Variants in LRRC7 observed in about 807,000 individuals in gnomAD.
LRRC7 encodes the protein leucine-rich repeat-containing protein 7.
LRRC7 carries 23 observed loss-of-function variants against 175.7 expected under a neutral mutation model. That is an observed-to-expected ratio of 0.13 (90% CI 0.09 to 0.19). LRRC7 has a LOEUF of 0.19. Ranked by LOEUF, LRRC7 falls within the 10% of genes least tolerant of loss-of-function variation. The pLI is 1.00. For synonymous variants in LRRC7, 685 were observed against 680.9 expected (o/e 1.01, Z -0.09); for missense variants, 1,354 against 1,904.7 (o/e 0.71, Z 5.38).
intron 12 of LRRC7, among the ~76,000 whole-genome samples, chr1:70,012,174 G>A (rs1227648239): frequency 6.6e-6 from 1 of 151,736 alleles, no homozygotes; most frequent in Non-Finnish European, 1.5e-5. Context: ...TTAATGCTAG[G>A]AAATATCATT....
intron 22 of LRRC7, among the ~76,000 whole-genome samples, chr1:70,046,221 TC>T (rs1426441527): frequency 6.6e-6 from 1 of 152,120 alleles, no homozygotes; most frequent in African/African-American, 2.4e-5. Flanking sequence ...AAACAATGTT[TC>T]CTAACATCTA....
At chr1:69,895,868 C>A (rs1212843434) in intron 7 of LRRC7, among the ~76,000 whole-genome samples, 1 of 151,972 alleles carries the variant, frequency 6.6e-6, no homozygotes, top group Non-Finnish European at 1.5e-5. Flanking sequence ...CAGATTTGGG[C>A]GATTGCAAAT....
intron 11 of LRRC7, among the ~76,000 whole-genome samples, chr1:69,999,426 T>G (rs778781822): frequency 3.3e-5 from 5 of 152,150 alleles, no homozygotes; most frequent in Non-Finnish European, 7.4e-5. Context: ...AAAAAAATAC[T>G]TATGTTTGGT....
intron 11 of LRRC7, among the ~76,000 whole-genome samples, chr1:70,004,899 A>G (rs917422845): frequency 2.6e-5 from 4 of 152,076 alleles, no homozygotes; most frequent in African/African-American, 9.7e-5. Flanking sequence ...CCTCTCCCAC[A>G]TATTACTAAA....
chr1:69,632,325 G>A (rs530197071), intron 1 of LRRC7, among the ~76,000 whole-genome samples: 111 of 152,262 alleles, frequency 7.3e-4, no homozygotes, highest in African/African-American at 2.5e-3. Context: ...TTTGTCCTCA[G>A]CACCTAGCAC....
intron 7 of LRRC7, among the ~76,000 whole-genome samples, chr1:69,854,202 T>C (rs924445229): frequency 1.3e-5 from 2 of 152,144 alleles, no homozygotes; most frequent in Admixed American, 1.3e-4. Context: ...ACAAATAAGA[T>C]GAAACAGGAA....
At chr1:69,861,821 G>A (rs141475035) in intron 7 of LRRC7, among the ~76,000 whole-genome samples, 20 of 152,164 alleles carry the variant, frequency 1.3e-4, no homozygotes, top group African/African-American at 3.4e-4. Flanking sequence ...TGTGTGTGGC[G>A]GACCTGGAAA....
At chr1:69,742,244 C>G (rs1411876183) in intron 2 of LRRC7, among the ~76,000 whole-genome samples, 1 of 151,816 alleles carries the variant, frequency 6.6e-6, no homozygotes, top group Admixed American at 6.6e-5. Context: ...ATATGAAAAA[C>G]TAAATATCAA....
intron 2 of LRRC7, among the ~76,000 whole-genome samples, chr1:69,715,990 A>T (rs1475554456): frequency 6.6e-6 from 1 of 151,986 alleles, no homozygotes. Flanking sequence ...TGTTTGTGGA[A>T]TTATTCTTAT....
chr1:69,677,306 T>G (rs919488188), intron 1 of LRRC7, among the ~76,000 whole-genome samples: 1 of 123,042 alleles, frequency 8.1e-6, no homozygotes, highest in Non-Finnish European at 1.8e-5. Flanking sequence ...CACATTTTCT[T>G]TATCCACTTA....
intron 1 of LRRC7, among the ~76,000 whole-genome samples, chr1:69,657,342 T>A (rs181861177): frequency 1.2e-3 from 176 of 152,032 alleles, no homozygotes; most frequent in African/African-American, 4.0e-3. Flanking sequence ...GCACTATCTT[T>A]TGCATAGATG....
chr1:69,793,343 A>AT (rs1446615397), intron 4 of LRRC7, among the ~76,000 whole-genome samples: 1 of 152,148 alleles, frequency 6.6e-6, no homozygotes, highest in Non-Finnish European at 1.5e-5. Flanking sequence ...TTGGCTTGAC[A>AT]TCCTGGGAAA....
intron 16 of LRRC7, among the ~76,000 whole-genome samples, chr1:70,022,699 A>G (rs1657641468): frequency 1.3e-5 from 2 of 152,216 alleles, no homozygotes; most frequent in South Asian, 2.1e-4. Flanking sequence ...TAGAGCACAA[A>G]CGAACTTCTA....
chr1:69,925,666 TGC>T (rs1647047063), intron 7 of LRRC7, among the ~76,000 whole-genome samples: 2 of 152,194 alleles, frequency 1.3e-5, no homozygotes, highest in Non-Finnish European at 2.9e-5. Flanking sequence ...TCATTTTTAT[TGC>T]GTCTATTTGA....
chr1:69,632,820 C>T (rs1652720975), intron 1 of LRRC7, among the ~76,000 whole-genome samples: 1 of 151,740 alleles, frequency 6.6e-6, no homozygotes, highest in Admixed American at 6.6e-5. Flanking sequence ...TTTATGACTA[C>T]CATTTTGCTA....
intron 1 of LRRC7, among the ~76,000 whole-genome samples, chr1:69,641,476 AT>A: frequency 1.3e-5 from 2 of 151,756 alleles, no homozygotes; most frequent in East Asian, 3.9e-4. Context: ...TAAGAAATAA[AT>A]TAATCAGCAT....
chr1:69,718,109 A>AAG (rs1553146058), intron 2 of LRRC7, among the ~76,000 whole-genome samples: 3 of 23,782 alleles, frequency 1.3e-4, no homozygotes, highest in East Asian at 8.0e-4. Flanking sequence ...GAAAGAGAGA[A>AAG]AAAGAAAGAA....
intron 8 of LRRC7, among the ~76,000 whole-genome samples, chr1:69,973,955 A>G (rs574630872): frequency 1.3e-5 from 2 of 152,274 alleles, no homozygotes; most frequent in East Asian, 1.9e-4. Context: ...GACATCTTCT[A>G]TGTTCCCCCT....
chr1:69,922,605 G>T (rs1255689365), intron 7 of LRRC7, among the ~76,000 whole-genome samples: 3 of 152,064 alleles, frequency 2.0e-5, no homozygotes, highest in Admixed American at 2.0e-4. Context: ...AATTTTGAGT[G>T]ATAAATGGGT....
Sources: gnomAD v4.1 joint callset for allele counts (sites outside exome capture counted in the v4.1 genomes callset) on GRCh38, gnomAD v4.1.1 for gene constraint, MANE v1.5 for transcripts, NCBI Gene and HGNC (gene_info 2026-07-23, HGNC 2026-07-21) for gene names.